APOL4: variants seen among roughly 807,000 people sequenced by gnomAD.
The protein encoded by APOL4 is apolipoprotein L, 4.
APOL4 carries 14 observed loss-of-function variants against 12.1 expected under a neutral mutation model. The observed-to-expected ratio is 1.16, with a 90% CI of 0.76 to 1.81. The LOEUF (loss-of-function observed/expected upper bound fraction) is 1.81. Among genes scored for constraint, APOL4 ranks in the 40% most tolerant of loss-of-function variants. The probability of loss-of-function intolerance (pLI) is 0.00; values close to 1 mark genes in which losing one functional copy is unlikely to be tolerated. For synonymous variants in APOL4, 171 were observed against 160.6 expected, an observed-to-expected ratio of 1.06 and a Z score of -0.49; for missense variants, 432 against 423.1, an observed-to-expected ratio of 1.02 and a Z score of -0.18.
At chr22:36,201,179 C>A (rs948083271) in intron 1 of APOL4, among the ~76,000 whole-genome samples, 9 of 150,836 alleles carry the variant, frequency 6.0e-5, no homozygotes, top group Admixed American at 5.3e-4. Context: ...AGGCCCATCC[C>A]AGTTAGGGGC....
At position 36,195,763 on chromosome 22, in the gene APOL4, C is replaced by T. The variant is rs972756762; in HGVS notation, c.83-326G>A. On this transcript the variant is annotated intron_variant, in intron 2 of 3. Transcript: ENST00000683024. ...AGATGATCTCTCTCTCTCTCTCTCT[C>T]TCTCTCTCTCTCTCACACACACACA... Among the ~76,000 whole-genome samples the T allele has an allele frequency of 2.7e-4, 31 of 114,966 alleles. No homozygotes were observed. In the South Asian group the frequency reaches 7.7e-3, roughly 29 times the overall value. 75.4% of individuals were successfully genotyped at this position (114,966 alleles called of 152,430 possible). A position where few individuals can be genotyped will look rare whatever the true frequency, so the allele number is the denominator to read the frequency against.
chr22:36,191,605 C>T lies in APOL4; in HGVS notation c.517G>A (p.Val173Ile), dbSNP rs375647382. ...GLSLSITAAG[V>I]GLGIASATAG... The stretch of plus-strand genomic sequence containing the variant: ...GTGGCAGATGCTATTCCCAGCCCTA[C>T]CCCAGCTGCAGTAATGCTCAGGCTC... The change falls in exon 4 of 4, where the codon GTA becomes ATA. Residue 173 changes from valine (V) to isoleucine (I), a missense_variant. Transcript: ENST00000683024. 1.2e-6 allele frequency: 2 copies of T among 1,613,478 alleles called. No individual in the cohort carries two copies. The highest frequency in any genetic ancestry group is 1.7e-6 in the Non-Finnish European group (2 of 1,179,656).
Position 36,191,146 on chromosome 22 carries a change from G to C in APOL4, c.976C>G (p.Gln326Glu). ...TTCTCCTCCAGCTCCTGAGCCCACT[G>C]CCTCAGCGACTCAGCAGACTCGGAT... is the stretch of plus-strand genomic sequence containing the variant. ...AKSESAESLR[Q>E]WAQELEENLN... Residue 326 changes from glutamine to glutamate, a missense_variant, in exon 4 of 4, where the codon CAG becomes GAG. Transcript: ENST00000683024. The C allele has an allele frequency of 6.2e-7, 1 of 1,612,148 alleles. No homozygotes were observed. Among genetic ancestry groups the C allele is most frequent in the Non-Finnish European group, 8.5e-7 (1 of 1,179,046 alleles).
At chr22:36,192,062 C>T (rs769553313) in intron 3 of APOL4, 150 bp from the exon 4 acceptor site, 73 of 814,008 alleles carry the variant, frequency 9.0e-5, no homozygotes, top group South Asian at 1.5e-4. Context: ...TTTTCAAGGC[C>T]GGGCGCGGTG....
At position 36,201,750 on chromosome 22, in the gene APOL4, T is replaced by C. The variant is rs1181828586; in HGVS notation, c.-16A>G. 1 of 1,604,700 alleles carries C rather than the reference T, an allele frequency of 6.2e-7. No homozygotes were observed. The highest frequency in any genetic ancestry group is 1.1e-5 in the South Asian group (1 of 89,018). The stretch of plus-strand genomic sequence containing the variant: ...AGGATCCCATCCTCCTTGGTCATTG[T>C]TGGCCTGGCTCAGACGCTGATCTGG... On this transcript the variant is annotated 5_prime_UTR_variant, in exon 1 of 4. Transcript: ENST00000683024.
In APOL4 at chr22:36,191,521, C is replaced by A. The variant is rs576629880; in HGVS notation, c.601G>T (p.Ala201Ser). 16 of 1,614,056 alleles carry A rather than the reference C, an allele frequency of 9.9e-6. No homozygotes were observed. The East Asian group carries it at 3.6e-4, about 36-fold the overall frequency. ...NTYTRSAELT[A>S]SRLTATSTDQ... ...GTGCTGGTTGCAGTCAGCCTGCTGGCTGTGAGTTCTGCTGACCTTGTGTAT... is the reference window on the plus strand; with the variant it reads ...GTGCTGGTTGCAGTCAGCCTGCTGGATGTGAGTTCTGCTGACCTTGTGTAT... Residue 201 changes from alanine to serine, a missense_variant, in exon 4 of 4, where the codon GCC (alanine) becomes TCC (serine). Coordinates refer to ENST00000683024, the MANE Select transcript of APOL4 (RefSeq NM_001386885.1).
intron 2 of APOL4, among the ~76,000 whole-genome samples, chr22:36,195,916 G>A (rs926318189): frequency 2.0e-5 from 3 of 152,062 alleles, no homozygotes; most frequent in Non-Finnish European, 4.4e-5. Context: ...CCTTCACCTT[G>A]GACTTCTTGC....
intron 2 of APOL4, chr22:36,197,551 C>G: frequency 7.2e-7 from 1 of 1,394,766 alleles, no homozygotes; most frequent in East Asian, 2.8e-5. Context: ...CCCGGGCAAA[C>G]AAAACCAACC....
intron 2 of APOL4, chr22:36,197,808 G>C: frequency 6.5e-7 from 1 of 1,549,618 alleles, no homozygotes; most frequent in Non-Finnish European, 8.7e-7. Flanking sequence ...TAGGGACAGG[G>C]GGAGGGGATG....
In APOL4 at chr22:36,191,292, G is replaced by A. The variant is rs1471671944; in HGVS notation, c.830C>T (p.Ala277Val). ...TACTTTTCTCACTATCCGGGTGGGG[G>A]CCCCACGTGTTCTCAGTGTCTCAAC... ...NVVETLRTRG[A>V]PTRIVRKVAR... The change falls in exon 4 of 4, where the codon GCC becomes GTC. Residue 277 changes from alanine to valine, a missense_variant. Ala to Val is a moderately conservative substitution (Grantham distance 64). Transcript: ENST00000683024. 4 of 1,614,030 alleles carry A rather than the reference G, an allele frequency of 2.5e-6. No individual in the cohort carries two copies. The highest frequency in any genetic ancestry group is 3.3e-5 in the Admixed American group (2 of 60,028).
intron 2 of APOL4, 41 bp downstream of exon 2, chr22:36,199,289 G>A: frequency 6.2e-7 from 1 of 1,613,210 alleles, no homozygotes; most frequent in Admixed American, 1.7e-5. Flanking sequence ...CCAGGGAAGA[G>A]GAGGCGAGCC....
intron 2 of APOL4, among the ~76,000 whole-genome samples, chr22:36,196,309 G>A (rs1367777474): frequency 6.6e-6 from 1 of 152,192 alleles, no homozygotes. Flanking sequence ...TCTTTTGTAA[G>A]ATACTTGAAA....
upstream of APOL4, chr22:36,201,959 TC>T (rs2014595259): frequency 6.2e-7 from 1 of 1,613,670 alleles, no homozygotes; most frequent in Non-Finnish European, 8.5e-7. Flanking sequence ...CAGGGAGCCC[TC>T]CCTCCCACCT....
Position 36,191,515 on chromosome 22 carries a change from T to A in APOL4, c.607A>T (p.Arg203Trp). Residue 203 changes from arginine (R) to tryptophan (W), a missense_variant, in exon 4 of 4, where the codon AGG becomes TGG. Arg to Trp is a moderately radical substitution (Grantham distance 101). Transcript: ENST00000683024. ...YTRSAELTAS[R>W]LTATSTDQLE... ...TGGTCAGTGCTGGTTGCAGTCAGCC[T>A]GCTGGCTGTGAGTTCTGCTGACCTT... 1 of 1,614,076 alleles carries A rather than the reference T, an allele frequency of 6.2e-7. No homozygotes were observed.
upstream of APOL4, chr22:36,202,081 A>G: frequency 6.2e-7 from 1 of 1,613,376 alleles, no homozygotes; most frequent in Non-Finnish European, 8.5e-7. Flanking sequence ...AGGGGTTGAG[A>G]CAGTGTGCTC....
At position 36,199,620 on chromosome 22, in the gene APOL4, TGAG is replaced by T. The variant is rs759028867; in HGVS notation, c.36-247_36-245del. ...AAAGTCCGCTTGTCCTGTTGGAGAA[TGAG>T]GAGAAGATAATCAGAGGAGGGGCAG... On this transcript the variant is annotated intron_variant, in intron 1 of 3. Coordinates refer to ENST00000683024, the MANE Select transcript of APOL4 (RefSeq NM_001386885.1). The T allele has an allele frequency of 1.9e-6, 3 of 1,552,500 alleles. No homozygotes were observed. The East Asian group carries it at 7.3e-5, about 38-fold the overall frequency.
At chr22:36,192,366 C>T (rs132701) in intron 3 of APOL4, among the ~76,000 whole-genome samples, 125,771 of 152,010 alleles carry the variant, frequency 0.83, 52,397 homozygotes, top group East Asian at 0.94. Context: ...AATAATTCTA[C>T]TCAAGGTTAA....
rs1353896586 is a variant in APOL4, at chr22:36,190,046, T to C, written c.*1029A>G. The C allele has an allele frequency of 6.1e-6, 1 of 165,190 alleles. No homozygotes were observed. Among genetic ancestry groups the C allele is most frequent in the Non-Finnish European group, 1.3e-5 (1 of 74,776 alleles). 10.2% of individuals were successfully genotyped at this position (165,190 alleles called of 1,614,324 possible). On this transcript the variant is annotated 3_prime_UTR_variant, in exon 4 of 4. Coordinates refer to ENST00000683024, the MANE Select transcript of APOL4 (RefSeq NM_001386885.1). The stretch of plus-strand genomic sequence containing the variant: ...TAGGTTCTTTTCTATTTTCCCTAAG[T>C]GTTGGCCGGTTTGAGAAATAAAGGC...
chr22:36,192,563 A>T (rs2014290104), intron 3 of APOL4, among the ~76,000 whole-genome samples: 1 of 152,182 alleles, frequency 6.6e-6, no homozygotes, highest in African/African-American at 2.4e-5. Flanking sequence ...AACAAAGAGA[A>T]GTGGGTTCAG....
Sources: gnomAD v4.1 joint callset for allele counts (sites outside exome capture counted in the v4.1 genomes callset) on GRCh38, gnomAD v4.1.1 for gene constraint, MANE v1.5 for transcripts, NCBI Gene and HGNC (gene_info 2026-07-23, HGNC 2026-07-21) for gene names.